The following MDGA2 variants were observed in gnomAD, a reference collection of about 807,000 sequenced individuals.
MDGA2 encodes MAM domain-containing glycosylphosphatidylinositol anchor protein 2.
A neutral mutation model predicts 117.8 loss-of-function variants in MDGA2; 40 were observed. That is an observed-to-expected ratio of 0.34 (90% confidence interval 0.26 to 0.44). The LOEUF (loss-of-function observed/expected upper bound fraction) is 0.44. Ranked by LOEUF, MDGA2 falls within the 20% of genes least tolerant of loss-of-function variation. The pLI is 1.00. For synonymous variants in MDGA2, 452 were observed against 439.0 expected, an observed-to-expected ratio of 1.03 and a Z score of -0.37; for missense variants, 1,123 against 1,250.6, an observed-to-expected ratio of 0.90 and a Z score of 1.54.
intron 1 of MDGA2, among the ~76,000 whole-genome samples, chr14:47,468,662 GT>G (rs5808401): frequency 0.75 from 112,711 of 150,830 alleles, 42,438 homozygotes; most frequent in East Asian, 1. Flanking sequence ...TTCTTATGGT[GT>G]TTTTTTTTTG....
chr14:47,037,405 T>C (rs1888892822), intron 7 of MDGA2, among the ~76,000 whole-genome samples: 1 of 152,222 alleles, frequency 6.6e-6, no homozygotes, highest in Non-Finnish European at 1.5e-5. Context: ...AGGTAGCTAA[T>C]GTAAAGATAT....
chr14:47,631,913 T>C (rs1394701948), intron 1 of MDGA2, among the ~76,000 whole-genome samples: 2 of 150,034 alleles, frequency 1.3e-5, no homozygotes, highest in Non-Finnish European at 3.0e-5. Context: ...CCTTAAAACA[T>C]TACGAGATTT....
chr14:47,558,133 A>G (rs891945361), intron 1 of MDGA2, among the ~76,000 whole-genome samples: 1 of 152,220 alleles, frequency 6.6e-6, no homozygotes, highest in African/African-American at 2.4e-5. Context: ...CCATAATGCC[A>G]GAGCACCTAG....
Position 47,129,245 on chromosome 14 carries a change from C to T in MDGA2, c.925+2469G>A, listed in dbSNP as rs189639757. On this transcript the variant is annotated intron_variant, in intron 5 of 16. Transcript: ENST00000399232. ...TATCTCCCAATGCTATAGCTCCCCCCCCGACCCCACAACAGTCCCCAGAGT... is the reference window on the plus strand; with the variant it reads ...TATCTCCCAATGCTATAGCTCCCCCTCCGACCCCACAACAGTCCCCAGAGT... Among the ~76,000 whole-genome samples, 17 of 151,842 alleles carry T rather than the reference C, an allele frequency of 1.1e-4. No individual in the cohort carries two copies. The East Asian group carries it at 1.6e-3, about 14-fold the overall frequency.
At chr14:47,491,103 G>T (rs1204516629) in intron 1 of MDGA2, among the ~76,000 whole-genome samples, 3 of 152,042 alleles carry the variant, frequency 2.0e-5, no homozygotes, top group Non-Finnish European at 4.4e-5. Context: ...GGATTTTTAG[G>T]AAATAATTAT....
chr14:47,409,719 G>A (rs922140337), intron 1 of MDGA2, among the ~76,000 whole-genome samples: 1 of 152,044 alleles, frequency 6.6e-6, no homozygotes, highest in Non-Finnish European at 1.5e-5. Flanking sequence ...TTAAAGTCAC[G>A]TTCATATTAT....
rs187664019 is a variant in MDGA2 at position 46,970,540 on chromosome 14, A to C, written c.1820-12897T>G. ...GGATGCCTATCTCTACCCATGTACA[A>C]ACCCAAGATGGAATAAAGACTTATA... On this transcript the variant is annotated intron_variant, in intron 8 of 16. Transcript: ENST00000399232. Among the ~76,000 whole-genome samples, 595 of 152,280 alleles carry C rather than the reference A, an allele frequency of 3.9e-3. 9 individuals carry two copies. Among genetic ancestry groups the C allele is most frequent in the African/African-American group, 0.014 (582 of 41,564 alleles).
chr14:47,110,808 A>G lies in MDGA2; in HGVS notation c.926-13685T>C, dbSNP rs1880995750. Among the ~76,000 whole-genome samples, 2 of 152,280 alleles carry G rather than the reference A, an allele frequency of 1.3e-5. 1 individual carries two copies. Among genetic ancestry groups the G allele is most frequent in the Non-Finnish European group, 2.9e-5 (2 of 68,010 alleles). On this transcript the variant is annotated intron_variant, in intron 5 of 16. Coordinates refer to ENST00000399232, the MANE Select transcript of MDGA2 (RefSeq NM_001113498.3). Reference sequence around the variant, plus strand: ...CACATATAGCCTCTTAATCTATGATATATCTATGTTTGGCTACTCAAATGT... The same window carrying G: ...CACATATAGCCTCTTAATCTATGATGTATCTATGTTTGGCTACTCAAATGT...
At chr14:46,891,264 CTT>C (rs1267786997) in intron 10 of MDGA2, among the ~76,000 whole-genome samples, 1 of 151,450 alleles carries the variant, frequency 6.6e-6, no homozygotes, top group African/African-American at 2.4e-5. Context: ...TATTTTAACT[CTT>C]TCTATTAAAA....
At chr14:47,455,034 C>G (rs1025262533) in intron 1 of MDGA2, among the ~76,000 whole-genome samples, 4 of 152,088 alleles carry the variant, frequency 2.6e-5, no homozygotes, top group East Asian at 1.9e-4. Flanking sequence ...GTTAAATAGT[C>G]TAGAAAGATG....
chr14:47,356,998 G>A (rs140006397), intron 1 of MDGA2, among the ~76,000 whole-genome samples: 28 of 152,218 alleles, frequency 1.8e-4, no homozygotes, highest in African/African-American at 6.0e-4. Context: ...AAATCTTAAC[G>A]GAGATTTTAC....
intron 14 of MDGA2, chr14:46,871,547 T>TA (rs1881998424): frequency 6.6e-6 from 1 of 152,224 alleles, no homozygotes; most frequent in Admixed American, 6.6e-5. Flanking sequence ...CAAAGTATCC[T>TA]AGCCCATGAT....
At chr14:47,207,924 G>A (rs1042975373) in intron 3 of MDGA2, among the ~76,000 whole-genome samples, 1 of 152,000 alleles carries the variant, frequency 6.6e-6, no homozygotes, top group Non-Finnish European at 1.5e-5. Flanking sequence ...GTATGTTTCA[G>A]AAGCTAAGAC....
intron 3 of MDGA2, among the ~76,000 whole-genome samples, chr14:47,180,790 A>G (rs570357680): frequency 3.9e-4 from 60 of 152,150 alleles, no homozygotes; most frequent in African/African-American, 1.4e-3. Context: ...TCATGATGGC[A>G]CGCGCCTGTA....
In MDGA2 at chr14:46,939,640, T is replaced by G. The variant is rs375159386; in HGVS notation, c.2089+17734A>C. Among the ~76,000 whole-genome samples the G allele has an allele frequency of 1.2e-3, 178 of 152,352 alleles. 1 individual carries two copies. Among genetic ancestry groups the G allele is most frequent in the African/African-American group, 4.1e-3 (171 of 41,582 alleles). On this transcript the variant is annotated intron_variant, in intron 9 of 16. Transcript: ENST00000399232. Reference sequence around the variant, plus strand: ...CAGAACAAAATGTTTTAAGGCACTTTTGTTGTTAGTTGCTGTATTTGTCAG... The same window carrying G: ...CAGAACAAAATGTTTTAAGGCACTTGTGTTGTTAGTTGCTGTATTTGTCAG...
intron 1 of MDGA2, among the ~76,000 whole-genome samples, chr14:47,551,981 C>A (rs183756064): frequency 2.0e-5 from 3 of 152,158 alleles, no homozygotes; most frequent in Admixed American, 6.5e-5. Flanking sequence ...TTTCTGTTTT[C>A]CAGCAAGAAA....
chr14:46,959,584 C>A (rs767594556), intron 8 of MDGA2, among the ~76,000 whole-genome samples: 1 of 151,858 alleles, frequency 6.6e-6, no homozygotes, highest in Non-Finnish European at 1.5e-5. Context: ...ACTGTAACTA[C>A]TTATTTTGTA....
At chr14:47,294,542 T>G (rs896413454) in intron 2 of MDGA2, among the ~76,000 whole-genome samples, 1 of 151,634 alleles carries the variant, frequency 6.6e-6, no homozygotes, top group Admixed American at 6.6e-5. Context: ...AGTCTAGATA[T>G]GTTTATCACA....
In MDGA2 at chr14:47,421,783, G is replaced by A. The variant is rs898538213; in HGVS notation, c.281-120233C>T. On this transcript the variant is annotated intron_variant, in intron 1 of 16. Coordinates refer to ENST00000399232, the MANE Select transcript of MDGA2 (RefSeq NM_001113498.3). Reference sequence around the variant, plus strand: ...ATAGTAATGGAATTAGAGAACTCTCGCATTGCAAAAACTAGATTATACTTC... The same window carrying A: ...ATAGTAATGGAATTAGAGAACTCTCACATTGCAAAAACTAGATTATACTTC... Among the ~76,000 whole-genome samples the A allele has an allele frequency of 3.3e-5, 5 of 151,966 alleles. No homozygotes were observed. The East Asian group carries it at 7.7e-4, about 23-fold the overall frequency.
Sources: gnomAD v4.1 joint callset for allele counts (sites outside exome capture counted in the v4.1 genomes callset) on GRCh38, gnomAD v4.1.1 for gene constraint, MANE v1.5 for transcripts, NCBI Gene and HGNC (gene_info 2026-07-23, HGNC 2026-07-21) for gene names.